AHI1: variants seen among roughly 807,000 people sequenced by gnomAD.
The protein encoded by AHI1 is Abelson helper integration site 1, also known as jouberin.
In AHI1, 123 loss-of-function variants were observed where a neutral mutation model predicts 149.3. The observed-to-expected ratio is 0.82, with a 90% CI of 0.71 to 0.96. The LOEUF (loss-of-function observed/expected upper bound fraction) is 0.96, where lower values mean the gene tolerates loss of function less well. AHI1 is among the 40% of genes least tolerant of loss of function. The pLI is 0.00. For missense variants in AHI1, 1,439 were observed against 1,422.7 expected, an observed-to-expected ratio of 1.01 and a Z score of -0.18; for synonymous variants, 475 against 459.8, an observed-to-expected ratio of 1.03 and a Z score of -0.42.
chr6:135,327,997 C>A (rs1315297454), intron 24 of AHI1, among the ~76,000 whole-genome samples: 1 of 152,052 alleles, frequency 6.6e-6, no homozygotes, highest in East Asian at 1.9e-4. Context: ...GTTACTCCAG[C>A]AAATTAAGTG....
intron 11 of AHI1, among the ~76,000 whole-genome samples, chr6:135,452,647 TATA>T (rs1468941474): frequency 6.6e-6 from 1 of 152,214 alleles, no homozygotes; most frequent in Non-Finnish European, 1.5e-5. Flanking sequence ...TTCCTCTTGC[TATA>T]ATGACTGAGA....
chr6:135,465,531 C>T (rs1301666403), intron 7 of AHI1, among the ~76,000 whole-genome samples: 2 of 152,154 alleles, frequency 1.3e-5, no homozygotes, highest in African/African-American at 4.8e-5. Flanking sequence ...AAGGATCTGG[C>T]TCAGCCTCTT....
Position 135,447,146 on chromosome 6 carries a change from G to C in AHI1, c.1641C>G (p.Tyr547Ter). Residue 547 changes from tyrosine (Y) to a stop codon, truncating the protein, a stop_gained, in exon 13 of 29, where the codon TAC (tyrosine) becomes TAG (stop). Transcript: ENST00000265602. LOFTEE classifies it high-confidence loss of function. ...LKVPDCIKPSYRSMMALQEEK... is the reference protein window; with the variant it reads ...LKVPDCIKPS The stretch of plus-strand genomic sequence containing the variant: ...CCTCCTGAAGAGCCATCATAGAGCG[G>C]TAAGATGGCTTTATCTAAATATGCA... 1 of 1,564,620 alleles carries C rather than the reference G, an allele frequency of 6.4e-7. No individual in the cohort carries two copies. Among genetic ancestry groups the C allele is most frequent in the Non-Finnish European group, 8.6e-7 (1 of 1,157,866 alleles).
At chr6:135,393,771 T>C (rs1380291583) in intron 23 of AHI1, among the ~76,000 whole-genome samples, 2 of 152,116 alleles carry the variant, frequency 1.3e-5, no homozygotes, top group Non-Finnish European at 2.9e-5. Flanking sequence ...CTTATGCTTA[T>C]AGTGTTTTCA....
chr6:135,298,570 A>G (rs1783450381), intron 27 of AHI1, among the ~76,000 whole-genome samples: 2 of 152,336 alleles, frequency 1.3e-5, no homozygotes, highest in Admixed American at 1.3e-4. Flanking sequence ...TGTTTCCACC[A>G]TCAACTCGCC....
At chr6:135,373,602 C>T (rs958967225) in intron 23 of AHI1, among the ~76,000 whole-genome samples, 1 of 152,156 alleles carries the variant, frequency 6.6e-6, no homozygotes, top group Non-Finnish European at 1.5e-5. Flanking sequence ...CAGATCATGA[C>T]ATTTTATTCC....
chr6:135,297,324 C>A (rs1025510212), intron 27 of AHI1: 1 of 405,800 alleles, frequency 2.5e-6, no homozygotes, highest in Non-Finnish European at 4.9e-6. Context: ...AGTCAGTCTC[C>A]TCCCACTCTC....
At chr6:135,429,112 T>C (rs1168356612) in intron 18 of AHI1, among the ~76,000 whole-genome samples, 2 of 151,734 alleles carry the variant, frequency 1.3e-5, no homozygotes, top group African/African-American at 4.8e-5. Context: ...GCATTTGAGC[T>C]GGTTACTAAA....
At chr6:135,323,535 C>T (rs952074298) in intron 24 of AHI1, among the ~76,000 whole-genome samples, 3 of 152,082 alleles carry the variant, frequency 2.0e-5, no homozygotes, top group East Asian at 1.9e-4. Context: ...GAAATGGTTA[C>T]GAGCATTCAA....
rs952865183 is a variant in AHI1, at chr6:135,497,221, G to A, written c.-173C>T. The A allele has an allele frequency of 4.6e-5, 7 of 152,166 alleles. No individual in the cohort carries two copies. The highest frequency in any genetic ancestry group is 3.9e-4 in the Admixed American group (6 of 15,288). The allele number at this position is 152,166 out of a possible 1,614,324, so 9.4% of individuals were successfully genotyped here. The stretch of plus-strand genomic sequence containing the variant: ...AGACATAATTAAGAAGGCTTTGACA[G>A]GTTGAAGATTCAGCCCCAGGTTGAC... On this transcript the variant is annotated 5_prime_UTR_variant, in exon 2 of 29. Transcript: ENST00000265602.
At chr6:135,317,420 A>C (rs1786125932) in intron 26 of AHI1, among the ~76,000 whole-genome samples, 1 of 149,882 alleles carries the variant, frequency 6.7e-6, no homozygotes, top group African/African-American at 2.5e-5. Context: ...CCTCTGCTGG[A>C]AAGGTTTTTC....
chr6:135,482,893 G>GTTTTTTTTTTT (rs1491384083), intron 5 of AHI1, among the ~76,000 whole-genome samples: 3 of 5,790 alleles, frequency 5.2e-4, no homozygotes, highest in African/African-American at 2.1e-3. Flanking sequence ...TCCATTTAAG[G>GTTTTTTTTTTT]CTTTTTTTTT....
chr6:135,302,935 T>C, intron 26 of AHI1: 1 of 617,676 alleles, frequency 1.6e-6, no homozygotes, highest in Non-Finnish European at 2.4e-6. Flanking sequence ...TAGAAAGTTG[T>C]TTTATGACTT....
intron 22 of AHI1, among the ~76,000 whole-genome samples, chr6:135,403,200 A>C (rs1562681668): frequency 6.6e-6 from 1 of 152,154 alleles, no homozygotes; most frequent in Non-Finnish European, 1.5e-5. Context: ...ATGGGGCTTC[A>C]TTCAGGGGTG....
chr6:135,483,049 A>G (rs943126218), intron 5 of AHI1, among the ~76,000 whole-genome samples: 2 of 147,396 alleles, frequency 1.4e-5, no homozygotes, highest in African/African-American at 5.0e-5. Context: ...CTGCCACCAC[A>G]CCTGGCTAAT....
At chr6:135,295,551 T>G (rs1465611818) in intron 27 of AHI1, among the ~76,000 whole-genome samples, 1 of 152,222 alleles carries the variant, frequency 6.6e-6, no homozygotes, top group Non-Finnish European at 1.5e-5. Flanking sequence ...CCACAAAAAC[T>G]TGTACATAAA....
intron 15 of AHI1, among the ~76,000 whole-genome samples, chr6:135,436,629 G>A (rs543273269): frequency 5.6e-4 from 85 of 152,280 alleles, no homozygotes; most frequent in African/African-American, 1.9e-3. Context: ...TTGAGGCAGA[G>A]TCTCAATCTG....
At chr6:135,393,025 ATTAGTAACC>A (rs904403489) in intron 23 of AHI1, among the ~76,000 whole-genome samples, 1 of 152,214 alleles carries the variant, frequency 6.6e-6, no homozygotes, top group Non-Finnish European at 1.5e-5. Context: ...GGTTAGACAT[ATTAGTAACC>A]AAATGGCTTA....
chr6:135,465,851 T>G lies in AHI1; in HGVS notation c.712A>C (p.Lys238Gln), dbSNP rs748182443. Reference sequence around the variant, plus strand: ...TTAGAGAAGACTGGAACTTCCTTTTTCTTTTTCCTTTTTTCACTGCTTAGT... The same window carrying G: ...TTAGAGAAGACTGGAACTTCCTTTTGCTTTTTCCTTTTTTCACTGCTTAGT... ...DKLSSEKRKK[K>Q]KEVPVFSKAE... The change falls in exon 7 of 29, where the codon AAA becomes CAA. Residue 238 changes from lysine (K) to glutamine (Q), a missense_variant. Transcript: ENST00000265602. 8.1e-6 allele frequency: 12 copies of G among 1,485,858 alleles called. No individual in the cohort carries two copies. The highest frequency in any genetic ancestry group is 9.8e-6 in the Non-Finnish European group (11 of 1,122,102). The allele number at this position is 1,485,858 out of a possible 1,614,324, so 92.0% of individuals were successfully genotyped here. A position where few individuals can be genotyped will look rare whatever the true frequency, so the allele number is the denominator to read the frequency against.
Sources: allele counts gnomAD v4.1 joint callset (sites outside exome capture counted in the v4.1 genomes callset), GRCh38; gene constraint gnomAD v4.1.1; transcripts MANE v1.5; gene names NCBI Gene and HGNC (gene_info 2026-07-23, HGNC 2026-07-21).